Variants in SLC30A8 observed in about 807,000 individuals in gnomAD.
The protein encoded by SLC30A8 is solute carrier family 30 member 8, also known as proton-coupled zinc antiporter SLC30A8.
Under a neutral mutation model 36.9 loss-of-function variants are expected in SLC30A8, and 27 were observed. That is an observed-to-expected ratio of 0.73 (90% CI 0.54 to 1.01). The LOEUF (loss-of-function observed/expected upper bound fraction) is 1.01. Among genes scored for constraint, SLC30A8 ranks in the 50% least tolerant of loss-of-function variants. The probability of loss-of-function intolerance (pLI) is 0.00; values close to 1 mark genes in which losing one functional copy is unlikely to be tolerated. For synonymous variants in SLC30A8, 164 were observed against 172.4 expected (o/e 0.95, Z 0.38); for missense variants, 439 against 452.0 (o/e 0.97, Z 0.26).
At chr8:117,155,940 A>G (rs895972394) in intron 3 of SLC30A8, among the ~76,000 whole-genome samples, 4 of 152,196 alleles carry the variant, frequency 2.6e-5, no homozygotes, top group Admixed American at 2.6e-4. Flanking sequence ...GACACCAGCC[A>G]TATTGGGCCC....
intron 2 of SLC30A8, among the ~76,000 whole-genome samples, chr8:117,050,971 T>G (rs976528911): frequency 1.3e-5 from 2 of 152,210 alleles, no homozygotes; most frequent in Non-Finnish European, 2.9e-5. Context: ...CTAAAGTTAC[T>G]GATAAATAGG....
At chr8:116,961,760 AAGAG>A (rs145495135) in intron 1 of SLC30A8, among the ~76,000 whole-genome samples, 2 of 151,814 alleles carry the variant, frequency 1.3e-5, no homozygotes, top group East Asian at 1.9e-4. Context: ...GGAGAAGGGT[AAGAG>A]AGAGAGAGCA....
chr8:117,047,279 T>G (rs1333653375), intron 2 of SLC30A8, among the ~76,000 whole-genome samples: 1 of 152,186 alleles, frequency 6.6e-6, no homozygotes, highest in African/African-American at 2.4e-5. Flanking sequence ...GCCTTGTCTT[T>G]GTTTTGTACA....
intron 2 of SLC30A8, among the ~76,000 whole-genome samples, chr8:117,087,957 G>C (rs1036435801): frequency 4.6e-5 from 7 of 152,054 alleles, no homozygotes; most frequent in African/African-American, 1.7e-4. Context: ...TAGGCGGTGG[G>C]GGAGAGAGAG....
chr8:117,090,793 C>T (rs73315671), intron 2 of SLC30A8, among the ~76,000 whole-genome samples: 15,159 of 152,158 alleles, frequency 0.1, 1,276 homozygotes, highest in African/African-American at 0.23. Flanking sequence ...CCCATGGCAG[C>T]CATACTTAGC....
intron 2 of SLC30A8, among the ~76,000 whole-genome samples, chr8:117,081,258 C>G (rs1818668534): frequency 6.6e-6 from 1 of 152,152 alleles, no homozygotes; most frequent in African/African-American, 2.4e-5. Context: ...CAAAACACCA[C>G]AGACTGGGGC....
At chr8:117,028,197 A>G (rs943523883) in intron 1 of SLC30A8, among the ~76,000 whole-genome samples, 1 of 152,152 alleles carries the variant, frequency 6.6e-6, no homozygotes, top group Non-Finnish European at 1.5e-5. Context: ...TTTTTGTCTA[A>G]TCTCATATCA....
At chr8:116,972,978 G>T (rs1210319687) in intron 1 of SLC30A8, among the ~76,000 whole-genome samples, 1 of 152,170 alleles carries the variant, frequency 6.6e-6, no homozygotes, top group Non-Finnish European at 1.5e-5. Flanking sequence ...CCGATCTGAG[G>T]ATATTAGGAG....
chr8:117,082,666 C>T (rs1362877710), intron 2 of SLC30A8, among the ~76,000 whole-genome samples: 2 of 152,164 alleles, frequency 1.3e-5, no homozygotes, highest in African/African-American at 4.8e-5. Flanking sequence ...GAGTTCAGGA[C>T]TCTGAATCAA....
intron 2 of SLC30A8, among the ~76,000 whole-genome samples, chr8:117,046,972 G>C (rs1817572617): frequency 6.6e-6 from 1 of 152,168 alleles, no homozygotes; most frequent in Admixed American, 6.6e-5. Context: ...TCATTTGTTT[G>C]TTTGAATGTT....
chr8:117,164,779 C>A (rs1324825263), intron 6 of SLC30A8, among the ~76,000 whole-genome samples: 1 of 152,030 alleles, frequency 6.6e-6, no homozygotes, highest in Non-Finnish European at 1.5e-5. Flanking sequence ...CTGCTCTTAG[C>A]CCCGAGTAGG....
chr8:117,086,441 A>G (rs1263806129), intron 2 of SLC30A8, among the ~76,000 whole-genome samples: 1 of 152,220 alleles, frequency 6.6e-6, no homozygotes, highest in Non-Finnish European at 1.5e-5. Flanking sequence ...AACTATGTGC[A>G]TCTATGTCTG....
chr8:117,073,404 C>T (rs973913620), intron 2 of SLC30A8, among the ~76,000 whole-genome samples: 31 of 152,066 alleles, frequency 2.0e-4, no homozygotes, highest in Admixed American at 8.5e-4. Context: ...CAGGCATGTG[C>T]CATCATGCCC....
intron 1 of SLC30A8, among the ~76,000 whole-genome samples, chr8:117,033,294 C>T (rs1817113328): frequency 6.6e-6 from 1 of 152,228 alleles, no homozygotes; most frequent in Non-Finnish European, 1.5e-5. Flanking sequence ...TGTATCTATG[C>T]AATGGAATAT....
chr8:117,074,679 T>A (rs1818436003), intron 2 of SLC30A8, among the ~76,000 whole-genome samples: 1 of 152,220 alleles, frequency 6.6e-6, no homozygotes, highest in East Asian at 1.9e-4. Flanking sequence ...GTTCAGTATG[T>A]CTTAAGTGAT....
chr8:117,131,939 C>T (rs1174397946), upstream of SLC30A8, among the ~76,000 whole-genome samples: 2 of 151,936 alleles, frequency 1.3e-5, no homozygotes, highest in African/African-American at 2.4e-5. Context: ...AGAAAGTGGT[C>T]AAACTGGAAA....
At chr8:116,974,218 A>T (rs1814897374) in intron 1 of SLC30A8, among the ~76,000 whole-genome samples, 1 of 152,242 alleles carries the variant, frequency 6.6e-6, no homozygotes, top group South Asian at 2.1e-4. Flanking sequence ...GAGCTTCTGT[A>T]CAGCAAAAGA....
At chr8:117,082,629 T>C (rs149867712) in intron 2 of SLC30A8, among the ~76,000 whole-genome samples, 70 of 152,272 alleles carry the variant, frequency 4.6e-4, no homozygotes, top group Non-Finnish European at 6.5e-4. Flanking sequence ...GTGAATGTCA[T>C]GTGATAGGAC....
intron 1 of SLC30A8, among the ~76,000 whole-genome samples, chr8:116,970,602 T>C (rs1474681878): frequency 6.6e-6 from 1 of 152,164 alleles, no homozygotes; most frequent in African/African-American, 2.4e-5. Flanking sequence ...GGCTATGATG[T>C]CAGTAAGCTA....
Sources: gnomAD v4.1 joint callset for allele counts (sites outside exome capture counted in the v4.1 genomes callset) on GRCh38, gnomAD v4.1.1 for gene constraint, MANE v1.5 for transcripts, NCBI Gene and HGNC (gene_info 2026-07-23, HGNC 2026-07-21) for gene names.